The following FOXP2 variants were observed in gnomAD, a reference collection of about 807,000 sequenced individuals.
FOXP2 encodes the protein forkhead box protein P2.
FOXP2 carries 12 observed loss-of-function variants against 115.8 expected under a neutral mutation model. That is an observed-to-expected ratio of 0.10 (90% confidence interval 0.07 to 0.17). The LOEUF (loss-of-function observed/expected upper bound fraction) is 0.17. Among genes scored for constraint, FOXP2 ranks in the 10% least tolerant of loss-of-function variants. The probability of loss-of-function intolerance (pLI) is 1.00; values close to 1 mark genes in which losing one functional copy is unlikely to be tolerated. For missense variants in FOXP2, 629 were observed against 843.5 expected, an observed-to-expected ratio of 0.75 and a Z score of 3.15; for synonymous variants, 328 against 297.7, an observed-to-expected ratio of 1.10 and a Z score of -1.05.
chr7:114,606,684 T>A (rs1207364023), intron 3 of FOXP2, among the ~76,000 whole-genome samples: 2 of 152,174 alleles, frequency 1.3e-5, no homozygotes, highest in Non-Finnish European at 2.9e-5. Context: ...GGTAACATAA[T>A]GTTTTGTATT....
At chr7:114,520,414 G>T (rs1053622919) in intron 2 of FOXP2, among the ~76,000 whole-genome samples, 1 of 149,372 alleles carries the variant, frequency 6.7e-6, no homozygotes, top group Non-Finnish European at 1.5e-5. Flanking sequence ...AAAACAAAAA[G>T]ACTTAAAAGC....
chr7:114,649,363 T>A (rs930078704), intron 8 of FOXP2, among the ~76,000 whole-genome samples: 1 of 152,106 alleles, frequency 6.6e-6, no homozygotes, highest in African/African-American at 2.4e-5. Context: ...TCCAACTTCC[T>A]GCAAGGGACA....
At chr7:114,283,992 TA>T (rs1252001031) in intron 1 of FOXP2, among the ~76,000 whole-genome samples, 5 of 151,884 alleles carry the variant, frequency 3.3e-5, no homozygotes, top group African/African-American at 7.3e-5. Flanking sequence ...ACAAAACACA[TA>T]AAAAAACTAA....
chr7:114,330,192 T>G (rs2129182769), intron 2 of FOXP2, among the ~76,000 whole-genome samples: 1 of 152,234 alleles, frequency 6.6e-6, no homozygotes, highest in African/African-American at 2.4e-5. Flanking sequence ...TTTAAAATAT[T>G]ATTAGAGTTA....
chr7:114,476,726 G>A (rs1478526750), intron 2 of FOXP2, among the ~76,000 whole-genome samples: 16 of 151,792 alleles, frequency 1.1e-4, no homozygotes, highest in Admixed American at 1.1e-3. Context: ...GCTATGTTTA[G>A]GATATCAATT....
intron 2 of FOXP2, among the ~76,000 whole-genome samples, chr7:114,325,441 G>A (rs919036110): frequency 8.6e-5 from 13 of 151,796 alleles, no homozygotes; most frequent in Non-Finnish European, 1.6e-4. Flanking sequence ...GGATCACATG[G>A]TAAATTTCAG....
chr7:114,401,590 C>T (rs1174862006), intron 2 of FOXP2, among the ~76,000 whole-genome samples: 2 of 152,092 alleles, frequency 1.3e-5, no homozygotes, highest in African/African-American at 4.8e-5. Flanking sequence ...AGAATATTGT[C>T]TTTCAGTTTG....
chr7:114,389,343 G>A (rs1792530676), intron 2 of FOXP2, among the ~76,000 whole-genome samples: 1 of 152,176 alleles, frequency 6.6e-6, no homozygotes. Flanking sequence ...AAGATTCTAG[G>A]TGAGGATTGG....
upstream of FOXP2, among the ~76,000 whole-genome samples, chr7:114,087,333 G>GT (rs1432350595): frequency 5.3e-5 from 8 of 152,110 alleles, no homozygotes; most frequent in Non-Finnish European, 7.3e-5. Context: ...CCTTGATCGC[G>GT]TTCCTTTCCC....
At chr7:114,421,874 C>T (rs1214756625) in intron 1 of FOXP2, among the ~76,000 whole-genome samples, 4 of 151,644 alleles carry the variant, frequency 2.6e-5, no homozygotes, top group Admixed American at 6.6e-5. Flanking sequence ...ATTAATTCCA[C>T]TAGAGCACAA....
chr7:114,514,026 CATATGT>C (rs1798202890), intron 2 of FOXP2, among the ~76,000 whole-genome samples: 1 of 151,568 alleles, frequency 6.6e-6, no homozygotes. Context: ...TAACATTGTA[CATATGT>C]GTATATCTAT....
intron 2 of FOXP2, among the ~76,000 whole-genome samples, chr7:114,349,171 G>A (rs1791419591): frequency 6.6e-6 from 1 of 151,770 alleles, no homozygotes; most frequent in African/African-American, 2.4e-5. Context: ...ATTAACTGTA[G>A]ACATGAAATG....
intron 2 of FOXP2, among the ~76,000 whole-genome samples, chr7:114,310,917 C>T (rs1797133465): frequency 1.3e-5 from 2 of 152,150 alleles, no homozygotes; most frequent in African/African-American, 4.8e-5. Context: ...GTGTGCAGCT[C>T]AACCTTTTGA....
At chr7:114,480,256 CCT>C (rs1458212805) in intron 2 of FOXP2, among the ~76,000 whole-genome samples, 1 of 151,370 alleles carries the variant, frequency 6.6e-6, no homozygotes, top group African/African-American at 2.4e-5. Context: ...TCTTCTTTCC[CCT>C]GTCCCCCTCT....
intron 1 of FOXP2, 132 bp from the exon 2 acceptor site, chr7:114,426,370 A>G: frequency 1.3e-6 from 1 of 775,752 alleles, no homozygotes; most frequent in Non-Finnish European, 2.2e-6. Flanking sequence ...TCCTTGGTAA[A>G]TGACTATTCA....
At chr7:114,435,739 A>C (rs1263730632) in intron 2 of FOXP2, among the ~76,000 whole-genome samples, 11 of 152,078 alleles carry the variant, frequency 7.2e-5, no homozygotes, top group Non-Finnish European at 1.5e-4. Context: ...GGGTTTCACC[A>C]TGTTGGCCAG....
intron 2 of FOXP2, among the ~76,000 whole-genome samples, chr7:114,453,346 C>A (rs1199763006): frequency 6.6e-6 from 1 of 151,974 alleles, no homozygotes; most frequent in Non-Finnish European, 1.5e-5. Flanking sequence ...GCATTTAAGT[C>A]CTTTGATTTT....
rs1397825320 is a variant in FOXP2 at position 114,684,101 on chromosome 7, T to A, written c.2004-5681T>A. On this transcript the variant is annotated intron_variant, in intron 16 of 16. Transcript: ENST00000350908. The stretch of plus-strand genomic sequence containing the variant: ...GCTTTGTTGCCCAGGCTGGCATTCC[T>A]CCCACCTCAGCCTCCCAAGTAGCTG... 3.9e-5 allele frequency among the ~76,000 whole-genome samples: 6 copies of A among 152,262 alleles called. No homozygotes were observed. In the South Asian group the frequency reaches 1.2e-3, roughly 32 times the overall value.
At chr7:114,241,978 A>G (rs1795166384) in intron 1 of FOXP2, among the ~76,000 whole-genome samples, 1 of 149,990 alleles carries the variant, frequency 6.7e-6, no homozygotes, top group African/African-American at 2.5e-5. Flanking sequence ...CTTCCAATTT[A>G]CACAGAGTCC....
Sources: allele counts gnomAD v4.1 joint callset (sites outside exome capture counted in the v4.1 genomes callset), GRCh38; gene constraint gnomAD v4.1.1; transcripts MANE v1.5; gene names NCBI Gene and HGNC (gene_info 2026-07-23, HGNC 2026-07-21).